The following NRAP variants were observed in gnomAD, a reference collection of about 807,000 sequenced individuals.
NRAP encodes the protein nebulin-related-anchoring protein.
Under a neutral mutation model 225.9 loss-of-function variants are expected in NRAP, and 189 were observed. That is an observed-to-expected ratio of 0.84 (90% CI 0.74 to 0.94). NRAP has a LOEUF of 0.94. Ranked by LOEUF, NRAP falls within the 40% of genes least tolerant of loss-of-function variation. The pLI, the probability that NRAP is intolerant of heterozygous loss-of-function variation, is 0.00. For synonymous variants in NRAP, 769 were observed against 790.7 expected, an observed-to-expected ratio of 0.97 and a Z score of 0.46; for missense variants, 2,176 against 2,168.7, an observed-to-expected ratio of 1.00 and a Z score of -0.07.
chr10:113,595,810 C>T (rs1846256567), intron 37 of NRAP, 83 bp from the exon 38 acceptor site: 1 of 904,506 alleles, frequency 1.1e-6, no homozygotes. Context: ...CCCTTTCCTG[C>T]CCCTCCCACC....
intron 7 of NRAP, among the ~76,000 whole-genome samples, chr10:113,651,031 T>G (rs1592862398): frequency 6.6e-6 from 1 of 152,234 alleles, no homozygotes; most frequent in Non-Finnish European, 1.5e-5. Context: ...TAAAAGTTGT[T>G]TAGAAATTAT....
rs1049979330 is a variant in NRAP at position 113,622,244 on chromosome 10, C to T, written c.2458-64G>A. 13 of 1,090,356 alleles carry T rather than the reference C, an allele frequency of 1.2e-5. No individual in the cohort carries two copies. The African/African-American group carries it at 1.2e-4, about 10-fold the overall frequency. 67.5% of individuals were successfully genotyped at this position (1,090,356 alleles called of 1,614,324 possible). On this transcript the variant is annotated intron_variant, in intron 23 of 41. Coordinates refer to ENST00000359988, the MANE Select transcript of NRAP (RefSeq NM_198060.4). ...CCTAAAGGAATTGTTAGGCTTCAGACTCCATGCATGGGAGCTGAAACAAAG... is the reference window on the plus strand; with the variant it reads ...CCTAAAGGAATTGTTAGGCTTCAGATTCCATGCATGGGAGCTGAAACAAAG...
In NRAP at chr10:113,597,373, A is replaced by G. The variant is rs5788030; in HGVS notation, c.4333-189T>C. Among the ~76,000 whole-genome samples, 3 of 84,804 alleles carry G rather than the reference A, an allele frequency of 3.5e-5. No homozygotes were observed. The South Asian group carries it at 1.3e-3, about 37-fold the overall frequency. The allele number at this position is 84,804 out of a possible 152,430, so 55.6% of individuals were successfully genotyped here. A position where few individuals can be genotyped will look rare whatever the true frequency, so the allele number is the denominator to read the frequency against. On this transcript the variant is annotated intron_variant, in intron 36 of 41. Coordinates refer to ENST00000359988, the MANE Select transcript of NRAP (RefSeq NM_198060.4). ...TTCAGCTGCTTCTGTGATATGGAAC[A>G]TTTTACAGGTATTTACTCTCTTGAA... is the stretch of plus-strand genomic sequence containing the variant.
rs2133953539 is a variant in NRAP, at chr10:113,615,816, T to G, written c.2974A>C (p.Arg992=). Residue 992 remains arginine, a splice_region_variant and synonymous_variant, in exon 27 of 42, where the codon AGA becomes CGA. Coordinates refer to ENST00000359988, the MANE Select transcript of NRAP (RefSeq NM_198060.4). ...ARISYTQAVD[R]LYREQGENIK... ...TTTTCTCCTTGTTCCCTGTATAATC[T>G]CTGTGGATGGAAGGAGGTTTTGCAT... 6.5e-7 allele frequency: 1 copy of G among 1,544,400 alleles called. No homozygotes were observed. The highest frequency in any genetic ancestry group is 2.2e-5 in the East Asian group (1 of 44,460).
intron 22 of NRAP, 52 bp from the exon 23 acceptor site, chr10:113,623,688 C>A: frequency 8.9e-7 from 1 of 1,126,554 alleles, no homozygotes; most frequent in Non-Finnish European, 1.3e-6. Context: ...AGAGGGTTCT[C>A]ACGTGAGAGC....
At chr10:113,603,939 C>G (rs1040284380) in intron 35 of NRAP, among the ~76,000 whole-genome samples, 1 of 152,204 alleles carries the variant, frequency 6.6e-6, no homozygotes, top group African/African-American at 2.4e-5. Flanking sequence ...CTTCCCTGCT[C>G]TATATGTCTC....
intron 1 of NRAP, 66 bp from the exon 2 acceptor site, chr10:113,663,512 T>G (rs2134235451): frequency 9.9e-7 from 1 of 1,011,612 alleles, no homozygotes; most frequent in South Asian, 1.4e-5. Context: ...TTCTTATATA[T>G]TTTAGGGTAA....
At chr10:113,601,743 A>G (rs1455534814) in intron 35 of NRAP, among the ~76,000 whole-genome samples, 1 of 152,124 alleles carries the variant, frequency 6.6e-6, no homozygotes, top group Non-Finnish European at 1.5e-5. Context: ...AGCTTAAGGT[A>G]GTGTTTGTTT....
At chr10:113,610,931 T>G (rs1218760034) in intron 30 of NRAP, among the ~76,000 whole-genome samples, 1 of 152,222 alleles carries the variant, frequency 6.6e-6, no homozygotes, top group African/African-American at 2.4e-5. Context: ...CTAACAGGTC[T>G]TCTAAAACAA....
intron 20 of NRAP, among the ~76,000 whole-genome samples, chr10:113,627,400 G>C (rs1395244104): frequency 1.3e-5 from 2 of 152,166 alleles, no homozygotes; most frequent in Non-Finnish European, 2.9e-5. Flanking sequence ...CCTTGGAGGA[G>C]CTTAAAAATT....
chr10:113,653,411 T>A (rs963234950), intron 5 of NRAP, among the ~76,000 whole-genome samples: 2 of 152,250 alleles, frequency 1.3e-5, no homozygotes, highest in African/African-American at 2.4e-5. Flanking sequence ...AAAATGTCTC[T>A]TTTTCTTTCC....
intron 2 of NRAP, 51 bp from the exon 3 acceptor site, chr10:113,662,817 A>C (rs368248516): frequency 1.2e-6 from 1 of 815,028 alleles, no homozygotes; most frequent in Non-Finnish European, 2.0e-6. Flanking sequence ...TATCCAAATG[A>C]TTGAGGGACT....
At chr10:113,658,516 A>G (rs1438741792) in intron 3 of NRAP, among the ~76,000 whole-genome samples, 2 of 152,212 alleles carry the variant, frequency 1.3e-5, no homozygotes, top group African/African-American at 2.4e-5. Context: ...ATTATAAAAG[A>G]AAAAACATCA....
intron 34 of NRAP, among the ~76,000 whole-genome samples, chr10:113,605,321 A>G (rs757654604): frequency 6.6e-6 from 1 of 152,210 alleles, no homozygotes; most frequent in Non-Finnish European, 1.5e-5. Context: ...TCATGTCCCA[A>G]AGCTATGGAC....
At chr10:113,602,034 C>T (rs1038427343) in intron 35 of NRAP, among the ~76,000 whole-genome samples, 1 of 152,150 alleles carries the variant, frequency 6.6e-6, no homozygotes, top group Non-Finnish European at 1.5e-5. Context: ...TACAGGTGTG[C>T]ACCACCACAC....
At position 113,663,450 on chromosome 10, in the gene NRAP, G is replaced by C. The variant is rs200548217; in HGVS notation, c.73-4C>G. The C allele has an allele frequency of 1.3e-6, 2 of 1,557,492 alleles. No individual in the cohort carries two copies. The highest frequency in any genetic ancestry group is 3.3e-5 in the Admixed American group (2 of 59,932). On this transcript the variant is annotated splice_region_variant and splice_polypyrimidine_tract_variant and intron_variant, in intron 1 of 41. Transcript: ENST00000359988. ...GAAAACAGGCTTTATGCCATATCTA[G>C]AAATCATATAGAGAAGATTTAGCAA...
At chr10:113,651,955 C>T (rs757563049) in intron 6 of NRAP, 48 bp from the exon 7 acceptor site, 2 of 1,131,616 alleles carry the variant, frequency 1.8e-6, no homozygotes, top group African/African-American at 1.5e-5. Flanking sequence ...TCACAGCCTC[C>T]TCAGTGACCT....
At chr10:113,653,440 C>T (rs1174929970) in intron 5 of NRAP, among the ~76,000 whole-genome samples, 1 of 152,180 alleles carries the variant, frequency 6.6e-6, no homozygotes, top group African/African-American at 2.4e-5. Context: ...TTTTGAATAT[C>T]TCTGATGATT....
At chr10:113,653,950 T>C (rs2134178646) in intron 5 of NRAP, 71 bp downstream of exon 5, 1 of 916,908 alleles carries the variant, frequency 1.1e-6, no homozygotes, top group South Asian at 1.3e-5. Flanking sequence ...ATTGTAAAAG[T>C]CAAGGAACAG....
Sources: gnomAD v4.1 joint callset for allele counts (sites outside exome capture counted in the v4.1 genomes callset) on GRCh38, gnomAD v4.1.1 for gene constraint, MANE v1.5 for transcripts, NCBI Gene and HGNC (gene_info 2026-07-23, HGNC 2026-07-21) for gene names.